The following CDH13 variants were observed in gnomAD, a reference collection of about 807,000 sequenced individuals.
CDH13 encodes the protein cadherin-13.
A neutral mutation model predicts 63.8 loss-of-function variants in CDH13; 24 were observed. That is an observed-to-expected ratio of 0.38 (90% confidence interval 0.27 to 0.53). The LOEUF (loss-of-function observed/expected upper bound fraction) is 0.53. Ranked by LOEUF, CDH13 falls within the 20% of genes least tolerant of loss-of-function variation. The pLI, the probability that CDH13 is intolerant of heterozygous loss-of-function variation, is 0.85. For synonymous variants in CDH13, 503 were observed against 355.3 expected (o/e 1.42, Z -4.67); for missense variants, 1,049 against 903.1 (o/e 1.16, Z -2.07).
intron 12 of CDH13, among the ~76,000 whole-genome samples, chr16:83,781,850 T>A (rs1224196957): frequency 1.3e-5 from 2 of 151,824 alleles, no homozygotes; most frequent in African/African-American, 2.4e-5. Flanking sequence ...TGGGATGATT[T>A]GTGCAGCAAA....
At chr16:82,692,796 G>A (rs927740074) in intron 1 of CDH13, among the ~76,000 whole-genome samples, 10 of 103,914 alleles carry the variant, frequency 9.6e-5, no homozygotes, top group African/African-American at 3.3e-4. Context: ...CAGTAGCTGG[G>A]AGGAGACCTG....
At chr16:83,095,494 T>A (rs544107737) in intron 3 of CDH13, among the ~76,000 whole-genome samples, 1 of 152,334 alleles carries the variant, frequency 6.6e-6, no homozygotes, top group South Asian at 2.1e-4. Context: ...CACTGGTATA[T>A]CCTCTCAAAG....
chr16:82,807,230 A>G (rs866060008), intron 1 of CDH13, among the ~76,000 whole-genome samples: 1 of 152,162 alleles, frequency 6.6e-6, no homozygotes, highest in Non-Finnish European at 1.5e-5. Flanking sequence ...GTAACGTGCT[A>G]TAATTGTTTT....
intron 10 of CDH13, among the ~76,000 whole-genome samples, chr16:83,733,788 C>A (rs890062960): frequency 3.3e-5 from 5 of 152,158 alleles, no homozygotes; most frequent in East Asian, 1.9e-4. Context: ...TCCCAGTGAG[C>A]GTGTTTCTTT....
chr16:83,613,121 T>C (rs1325231543), intron 8 of CDH13, among the ~76,000 whole-genome samples: 1 of 152,242 alleles, frequency 6.6e-6, no homozygotes, highest in Non-Finnish European at 1.5e-5. Flanking sequence ...CATTTCATTG[T>C]CTTCTGACAT....
chr16:83,707,216 C>A (rs2150917885), intron 10 of CDH13, among the ~76,000 whole-genome samples: 2 of 152,306 alleles, frequency 1.3e-5, no homozygotes, highest in South Asian at 2.1e-4. Context: ...CTGCCTCCAC[C>A]CATCACAATC....
intron 4 of CDH13, among the ~76,000 whole-genome samples, chr16:83,168,945 A>G (rs1420368839): frequency 2.0e-5 from 3 of 152,066 alleles, no homozygotes; most frequent in Admixed American, 2.0e-4. Flanking sequence ...CCAGTCATTA[A>G]TTACTTTAAA....
chr16:83,732,860 C>T (rs1197865957), intron 10 of CDH13, among the ~76,000 whole-genome samples: 1 of 152,226 alleles, frequency 6.6e-6, no homozygotes, highest in Non-Finnish European at 1.5e-5. Context: ...CCAGGCTGCT[C>T]TTCCACTTGC....
At chr16:83,657,938 C>A (rs1913023651) in intron 8 of CDH13, among the ~76,000 whole-genome samples, 2 of 148,258 alleles carry the variant, frequency 1.3e-5, no homozygotes, top group South Asian at 2.1e-4. Context: ...TCCCCACCAC[C>A]AGGTCCCATA....
chr16:83,479,090 C>A (rs1450882471), intron 6 of CDH13, among the ~76,000 whole-genome samples: 1 of 152,176 alleles, frequency 6.6e-6, no homozygotes, highest in South Asian at 2.1e-4. Context: ...CTATCAATTG[C>A]TGTCTACTCA....
At chr16:82,812,519 G>A (rs923031230) in intron 1 of CDH13, among the ~76,000 whole-genome samples, 3 of 152,062 alleles carry the variant, frequency 2.0e-5, no homozygotes, top group Non-Finnish European at 4.4e-5. Flanking sequence ...GACAAGCAGA[G>A]AGGGTGCTTC....
intron 1 of CDH13, among the ~76,000 whole-genome samples, chr16:82,712,740 C>G (rs1383827834): frequency 6.6e-6 from 1 of 152,210 alleles, no homozygotes; most frequent in Non-Finnish European, 1.5e-5. Context: ...ATGTTCTTGA[C>G]TGTTCGCATA....
chr16:83,713,566 C>G (rs1315249476), intron 10 of CDH13, among the ~76,000 whole-genome samples: 3 of 151,692 alleles, frequency 2.0e-5, no homozygotes, highest in Admixed American at 2.0e-4. Context: ...GTTTCTTTAA[C>G]TTTACCTCTC....
chr16:83,216,439 T>TACACACACAC (rs1419896545), intron 4 of CDH13, among the ~76,000 whole-genome samples: 3 of 108,198 alleles, frequency 2.8e-5, no homozygotes, highest in African/African-American at 1.1e-4. Flanking sequence ...TATATATATA[T>TACACACACAC]ATATACACAA....
chr16:83,203,528 T>C (rs1276051966), intron 4 of CDH13, among the ~76,000 whole-genome samples: 3 of 150,228 alleles, frequency 2.0e-5, no homozygotes, highest in Middle Eastern at 3.4e-3. Context: ...CTACTAAAAA[T>C]ACAAAAAAAT....
intron 3 of CDH13, among the ~76,000 whole-genome samples, chr16:83,057,074 C>T (rs1217308930): frequency 6.6e-6 from 1 of 152,142 alleles, no homozygotes; most frequent in Non-Finnish European, 1.5e-5. Context: ...TCAAGTGATT[C>T]TCCTGCCTCA....
At chr16:83,187,974 A>C (rs2151751676) in intron 4 of CDH13, among the ~76,000 whole-genome samples, 1 of 152,274 alleles carries the variant, frequency 6.6e-6, no homozygotes. Context: ...TGAGTGCAAA[A>C]GCTGGGGGCA....
intron 2 of CDH13, among the ~76,000 whole-genome samples, chr16:82,988,667 C>G (rs1383354648): frequency 6.6e-6 from 1 of 151,040 alleles, no homozygotes; most frequent in Non-Finnish European, 1.5e-5. Flanking sequence ...AGGCCCGAGA[C>G]AGGAGAATTG....
intron 4 of CDH13, among the ~76,000 whole-genome samples, chr16:83,207,762 T>TAA (rs57095409): frequency 1.7e-4 from 21 of 124,834 alleles, no homozygotes; most frequent in South Asian, 5.2e-4. Flanking sequence ...ATACTCTCCT[T>TAA]AAAAAAAAAA....
Sources: gnomAD v4.1 joint callset for allele counts (sites outside exome capture counted in the v4.1 genomes callset) on GRCh38, gnomAD v4.1.1 for gene constraint, MANE v1.5 for transcripts, NCBI Gene and HGNC (gene_info 2026-07-23, HGNC 2026-07-21) for gene names.